Variants in MAD1L1 observed in about 807,000 individuals in gnomAD.
MAD1L1 encodes mitotic arrest deficient 1 like 1, also known as mitotic spindle assembly checkpoint protein MAD1.
Under a neutral mutation model 96.9 loss-of-function variants are expected in MAD1L1, and 95 were observed. The ratio of observed to expected loss-of-function variants is 0.98; its 90% CI spans 0.83 to 1.16. The LOEUF (loss-of-function observed/expected upper bound fraction) is 1.16, where lower values mean the gene tolerates loss of function less well. Among genes scored for constraint, MAD1L1 ranks in the 50% most tolerant of loss-of-function variants. The pLI is 0.00. For missense variants in MAD1L1, 1,007 were observed against 954.4 expected, an observed-to-expected ratio of 1.06 and a Z score of -0.73; for synonymous variants, 473 against 396.6, an observed-to-expected ratio of 1.19 and a Z score of -2.29.
At chr7:1,977,229 A>G (rs1336448693) in intron 15 of MAD1L1, among the ~76,000 whole-genome samples, 1 of 152,228 alleles carries the variant, frequency 6.6e-6, no homozygotes, top group Non-Finnish European at 1.5e-5. Flanking sequence ...GGGCTCAGGC[A>G]TGGCGGGCTG....
At chr7:1,939,735 C>T (rs555833146) in intron 16 of MAD1L1, among the ~76,000 whole-genome samples, 280 of 152,376 alleles carry the variant, frequency 1.8e-3, no homozygotes, top group Non-Finnish European at 3.2e-3. Flanking sequence ...GGTGTGGACA[C>T]ACCCCACGGG....
intron 14 of MAD1L1, 28 bp from the exon 15 acceptor site, chr7:1,980,569 AG>A (rs1376359702): frequency 1.8e-5 from 28 of 1,569,202 alleles, no homozygotes; most frequent in Non-Finnish European, 2.2e-5. Context: ...ATAGAGGGTC[AG>A]CAGACACGAG....
intron 10 of MAD1L1, among the ~76,000 whole-genome samples, chr7:2,195,087 C>CA (rs36028754): frequency 0.079 from 10,135 of 127,876 alleles, 683 homozygotes; most frequent in African/African-American, 0.19. Context: ...GACTCTGTCT[C>CA]AAAAAAAAAA....
rs368077848 is a variant in MAD1L1, at chr7:1,863,070, C to T, written c.1998+35130G>A. ...CACAGGCCTGGAGGCTGGGAGGGGACGCTGCACTCCGCACCCTCCATCCAA... is the reference window on the plus strand; with the variant it reads ...CACAGGCCTGGAGGCTGGGAGGGGATGCTGCACTCCGCACCCTCCATCCAA... On this transcript the variant is annotated intron_variant, in intron 18 of 18. Transcript: ENST00000265854. 3.4e-4 allele frequency among the ~76,000 whole-genome samples: 52 copies of T among 152,336 alleles called. No homozygotes were observed. In the South Asian group the frequency reaches 8.7e-3, roughly 25 times the overall value.
intron 18 of MAD1L1, among the ~76,000 whole-genome samples, chr7:1,896,806 T>C (rs767025601): frequency 2.6e-5 from 4 of 152,366 alleles, no homozygotes; most frequent in Middle Eastern, 3.4e-3. Flanking sequence ...CCTCTTAATT[T>C]GTAAATGTTG....
intron 10 of MAD1L1, among the ~76,000 whole-genome samples, chr7:2,173,748 C>G (rs1183498445): frequency 6.6e-6 from 1 of 152,182 alleles, no homozygotes; most frequent in Admixed American, 6.5e-5. Context: ...ATCAGTCTCT[C>G]TCTTCCTTAG....
chr7:1,847,337 C>T (rs1403692090), intron 18 of MAD1L1: 7 of 470,978 alleles, frequency 1.5e-5, no homozygotes, highest in Non-Finnish European at 2.6e-5. Context: ...GCATGGCAGG[C>T]GGTGCTCGCG....
intron 13 of MAD1L1, among the ~76,000 whole-genome samples, chr7:2,007,022 G>A (rs1319221557): frequency 6.6e-6 from 1 of 152,100 alleles, no homozygotes; most frequent in East Asian, 1.9e-4. Context: ...CCGGGGCAGT[G>A]CCACAGACAG....
At chr7:1,848,708 A>T (rs892287810) in intron 18 of MAD1L1, 2 of 154,430 alleles carry the variant, frequency 1.3e-5, no homozygotes, top group Non-Finnish European at 2.9e-5. Flanking sequence ...CCTGCTCTGG[A>T]AAACAACTGG....
intron 17 of MAD1L1, among the ~76,000 whole-genome samples, chr7:1,906,489 C>T (rs1374389363): frequency 6.6e-6 from 1 of 152,254 alleles, no homozygotes; most frequent in East Asian, 1.9e-4. Flanking sequence ...TTCCAGCTGC[C>T]TCTCCTGCAC....
At chr7:2,197,480 C>T (rs751652180) in intron 10 of MAD1L1, among the ~76,000 whole-genome samples, 5 of 152,186 alleles carry the variant, frequency 3.3e-5, no homozygotes, top group Non-Finnish European at 7.3e-5. Context: ...TCTCCCGCCC[C>T]GACCCACGCA....
At chr7:1,915,382 G>A (rs1434196400) in intron 17 of MAD1L1, among the ~76,000 whole-genome samples, 1 of 152,230 alleles carries the variant, frequency 6.6e-6, no homozygotes, top group Admixed American at 6.5e-5. Flanking sequence ...AAGGAGACCT[G>A]GGGCAGACTT....
intron 13 of MAD1L1, among the ~76,000 whole-genome samples, chr7:2,002,648 G>A (rs564850980): frequency 1.3e-5 from 2 of 152,248 alleles, no homozygotes; most frequent in South Asian, 2.1e-4. Context: ...CTCCTGCCCC[G>A]ACACACTCCC....
chr7:1,923,558 C>T (rs1486603667), intron 17 of MAD1L1, among the ~76,000 whole-genome samples: 3 of 147,552 alleles, frequency 2.0e-5, no homozygotes, highest in Non-Finnish European at 4.6e-5. Context: ...GCTGGACAGA[C>T]GCCTAGAGCC....
intron 15 of MAD1L1, among the ~76,000 whole-genome samples, chr7:1,959,087 A>T (rs1240706159): frequency 6.6e-6 from 1 of 152,178 alleles, no homozygotes; most frequent in East Asian, 1.9e-4. Context: ...CCCCTTCTCT[A>T]CTAAAAATAA....
intron 10 of MAD1L1, chr7:2,175,531 TC>T (rs1446244941): frequency 2.1e-5 from 3 of 144,440 alleles, no homozygotes; most frequent in African/African-American, 7.6e-5. Flanking sequence ...ACCACACTTC[TC>T]ACTGCAGTAT....
chr7:2,083,650 G>A (rs998207358), intron 11 of MAD1L1, among the ~76,000 whole-genome samples: 23 of 152,232 alleles, frequency 1.5e-4, no homozygotes, highest in Admixed American at 1.5e-3. Context: ...AAGAGGCAAC[G>A]GCATCGGACG....
chr7:2,021,920 A>G (rs1168934013), intron 12 of MAD1L1, among the ~76,000 whole-genome samples: 4 of 152,208 alleles, frequency 2.6e-5, no homozygotes, highest in African/African-American at 7.2e-5. Flanking sequence ...AAGACAGAGC[A>G]GAGAAGTAAC....
chr7:2,218,898 C>CAA (rs58637361), intron 6 of MAD1L1, among the ~76,000 whole-genome samples: 1 of 140,160 alleles, frequency 7.1e-6, no homozygotes, highest in East Asian at 2.1e-4. Context: ...GACTCAATCT[C>CAA]AAAAAAAAAA....
Sources: gnomAD v4.1 joint callset for allele counts (sites outside exome capture counted in the v4.1 genomes callset) on GRCh38, gnomAD v4.1.1 for gene constraint, MANE v1.5 for transcripts, NCBI Gene and HGNC (gene_info 2026-07-23, HGNC 2026-07-21) for gene names.